LSAMP: variants seen among roughly 807,000 people sequenced by gnomAD.
LSAMP encodes the protein limbic system-associated membrane protein.
Under a neutral mutation model 38.6 loss-of-function variants are expected in LSAMP, and 7 were observed. The observed-to-expected ratio is 0.18, with a 90% confidence interval of 0.10 to 0.34. LSAMP has a LOEUF of 0.34. Among genes scored for constraint, LSAMP ranks in the 10% least tolerant of loss-of-function variants. LSAMP has a pLI of 1.00. For missense variants in LSAMP, 313 were observed against 420.0 expected (o/e 0.75, Z 2.23); for synonymous variants, 154 against 166.8 (o/e 0.92, Z 0.59).
intron 1 of LSAMP, among the ~76,000 whole-genome samples, chr3:116,246,745 G>C (rs933139701): frequency 4.6e-5 from 7 of 152,212 alleles, no homozygotes; most frequent in Non-Finnish European, 1.5e-5. Flanking sequence ...ATGGCAGGGT[G>C]AGGGAAGGGA....
intron 1 of LSAMP, among the ~76,000 whole-genome samples, chr3:116,304,484 G>A (rs1294130738): frequency 2.0e-5 from 3 of 152,106 alleles, no homozygotes; most frequent in Non-Finnish European, 4.4e-5. Context: ...CAGATCTGCT[G>A]AAGTTCAAAG....
chr3:116,164,424 A>G (rs547547379), intron 1 of LSAMP, among the ~76,000 whole-genome samples: 81 of 151,064 alleles, frequency 5.4e-4, no homozygotes, highest in African/African-American at 1.8e-3. Flanking sequence ...TGGTGCAAAC[A>G]TAATTGCGGT....
chr3:116,442,104 G>A (rs1382044759), intron 1 of LSAMP, among the ~76,000 whole-genome samples: 3 of 152,086 alleles, frequency 2.0e-5, no homozygotes, highest in Non-Finnish European at 4.4e-5. Context: ...AGCCTAGTGT[G>A]CACTCTCCTA....
chr3:115,909,196 C>A (rs1459903001), intron 3 of LSAMP, among the ~76,000 whole-genome samples: 1 of 152,172 alleles, frequency 6.6e-6, no homozygotes, highest in Non-Finnish European at 1.5e-5. Flanking sequence ...TCAGGCATCC[C>A]AAAGACACAG....
intron 1 of LSAMP, among the ~76,000 whole-genome samples, chr3:116,197,584 C>T (rs12631840): frequency 0.8 from 122,294 of 152,106 alleles, 49,915 homozygotes; most frequent in East Asian, 0.91. Context: ...CAGCAGATTT[C>T]TTCTCAGTCA....
At chr3:116,256,634 C>G (rs1215302365) in intron 1 of LSAMP, among the ~76,000 whole-genome samples, 5 of 151,870 alleles carry the variant, frequency 3.3e-5, no homozygotes, top group African/African-American at 4.9e-5. Flanking sequence ...AAAGCATGCT[C>G]AAAATATCTG....
chr3:115,885,966 C>G (rs1936444012), intron 3 of LSAMP, among the ~76,000 whole-genome samples: 2 of 152,068 alleles, frequency 1.3e-5, no homozygotes, highest in South Asian at 2.1e-4. Context: ...CCAGATATGA[C>G]TTTTAATGGT....
intron 4 of LSAMP, 52 bp downstream of exon 4, chr3:115,852,431 G>C (rs368963423): frequency 6.4e-7 from 1 of 1,553,602 alleles, no homozygotes; most frequent in South Asian, 1.2e-5. Context: ...GCTCACTGGA[G>C]GTAGAGGTGC....
intron 1 of LSAMP, among the ~76,000 whole-genome samples, chr3:116,299,784 T>A (rs55893774): frequency 6.6e-6 from 1 of 151,972 alleles, no homozygotes; most frequent in South Asian, 2.1e-4. Context: ...ATCGTCTATA[T>A]GGAAGTCCAG....
chr3:116,286,911 A>G (rs1472327386), intron 1 of LSAMP, among the ~76,000 whole-genome samples: 4 of 149,156 alleles, frequency 2.7e-5, no homozygotes, highest in Non-Finnish European at 5.9e-5. Flanking sequence ...AAAAAAAGGT[A>G]ACTAGGGCCT....
intron 1 of LSAMP, among the ~76,000 whole-genome samples, chr3:116,162,729 A>T (rs1576402608): frequency 1.3e-5 from 2 of 148,566 alleles, no homozygotes; most frequent in South Asian, 2.1e-4. Context: ...AGTGTGTGAG[A>T]GTGTGTGTGT....
At chr3:115,855,168 A>T (rs1471684140) in intron 3 of LSAMP, among the ~76,000 whole-genome samples, 1 of 152,202 alleles carries the variant, frequency 6.6e-6, no homozygotes, top group Non-Finnish European at 1.5e-5. Flanking sequence ...TTTATAAAAC[A>T]AAAACAAAAA....
chr3:115,974,865 C>T (rs888386065), intron 3 of LSAMP, among the ~76,000 whole-genome samples: 5 of 152,006 alleles, frequency 3.3e-5, no homozygotes, highest in Non-Finnish European at 5.9e-5. Flanking sequence ...TGAGGTGTGT[C>T]GAACCTCTCA....
Position 115,852,514 on chromosome 3 carries a change from C to T in LSAMP, c.618G>A (p.Ala206=), listed in dbSNP as rs760145141. Residue 206 remains alanine (A), a synonymous_variant, in exon 4 of 7, where the codon GCG becomes GCA. Transcript: ENST00000490035. Reference sequence around the variant, plus strand: ...CAGTGACCTTGACTTGTTTGACATCCGCCGAGGAGACCTCGTTGGCAGCTT... The same window carrying T: ...CAGTGACCTTGACTTGTTTGACATCTGCCGAGGAGACCTCGTTGGCAGCTT... ...ECKAANEVSS[A]DVKQVKVTVN... is the part of the protein sequence containing the mutation. 57 of 1,612,946 alleles carry T rather than the reference C, an allele frequency of 3.5e-5. No homozygotes were observed. Among genetic ancestry groups the T allele is most frequent in the African/African-American group, 5.3e-5 (4 of 74,834 alleles).
chr3:115,983,475 T>C (rs916255306), intron 3 of LSAMP, among the ~76,000 whole-genome samples: 3 of 152,100 alleles, frequency 2.0e-5, no homozygotes, highest in Non-Finnish European at 4.4e-5. Flanking sequence ...AAGCCATGAT[T>C]GCACCACTGC....
chr3:116,236,632 C>G (rs1559794335), intron 1 of LSAMP, among the ~76,000 whole-genome samples: 1 of 152,138 alleles, frequency 6.6e-6, no homozygotes, highest in South Asian at 2.1e-4. Flanking sequence ...CATAAGAAGA[C>G]AGCAAATGAG....
chr3:115,903,451 C>A (rs1936930038), intron 3 of LSAMP, among the ~76,000 whole-genome samples: 1 of 151,832 alleles, frequency 6.6e-6, no homozygotes, highest in African/African-American at 2.4e-5. Flanking sequence ...ATGAGTTTAC[C>A]TATATAAAAA....
chr3:115,833,476 T>A (rs888358508), intron 6 of LSAMP, among the ~76,000 whole-genome samples: 3 of 152,148 alleles, frequency 2.0e-5, no homozygotes, highest in African/African-American at 7.2e-5. Flanking sequence ...AGTTGATCCT[T>A]GAAACCTTGC....
At chr3:116,276,891 G>A (rs1242609772) in intron 1 of LSAMP, among the ~76,000 whole-genome samples, 1 of 152,146 alleles carries the variant, frequency 6.6e-6, no homozygotes, top group Non-Finnish European at 1.5e-5. Context: ...ATTAACAAGG[G>A]TCCCTAAGGA....
Sources: allele counts gnomAD v4.1 joint callset (sites outside exome capture counted in the v4.1 genomes callset), GRCh38; gene constraint gnomAD v4.1.1; transcripts MANE v1.5; gene names NCBI Gene and HGNC (gene_info 2026-07-23, HGNC 2026-07-21).